MNAT1: variants seen among roughly 807,000 people sequenced by gnomAD.
MNAT1 encodes CDK-activating kinase assembly factor MAT1.
MNAT1 carries 43 observed loss-of-function variants against 42.0 expected under a neutral mutation model. The observed-to-expected ratio is 1.02, with a 90% CI of 0.80 to 1.32. The LOEUF is 1.32. Among genes scored for constraint, MNAT1 ranks in the 40% most tolerant of loss-of-function variants. The pLI is 0.00. For synonymous variants in MNAT1, 118 were observed against 120.0 expected, an observed-to-expected ratio of 0.98 and a Z score of 0.11; for missense variants, 306 against 350.4, an observed-to-expected ratio of 0.87 and a Z score of 1.01.
intron 1 of MNAT1, among the ~76,000 whole-genome samples, chr14:60,751,681 GATA>G (rs1566751286): frequency 1.3e-5 from 2 of 151,584 alleles, no homozygotes; most frequent in African/African-American, 4.8e-5. Context: ...TCTACAAAAA[GATA>G]AGAAAATTTA....
rs534620675 is a variant in MNAT1 at position 60,937,061 on chromosome 14, G to T, written c.810-31168G>T. ...GTGTGTTCATATCCTTCACCCACTT[G>T]TTGATGGGGTTTTTTGTTTTTTTCT... On this transcript the variant is annotated intron_variant, in intron 7 of 7. Transcript: ENST00000261245. Among the ~76,000 whole-genome samples the T allele has an allele frequency of 5.3e-5, 8 of 151,706 alleles. No homozygotes were observed. In the East Asian group the frequency reaches 9.7e-4, roughly 18 times the overall value.
intron 7 of MNAT1, among the ~76,000 whole-genome samples, chr14:60,897,189 G>C (rs761723274): frequency 2.8e-4 from 43 of 151,992 alleles, no homozygotes; most frequent in Admixed American, 2.0e-4. Flanking sequence ...GAGTATTTAA[G>C]GTAGATATAA....
Position 60,789,017 on chromosome 14 carries a change from T to C in MNAT1, c.90-7200T>C, listed in dbSNP as rs190964512. Among the ~76,000 whole-genome samples, 3 of 152,326 alleles carry C rather than the reference T, an allele frequency of 2.0e-5. No homozygotes were observed. The East Asian group carries it at 5.8e-4, about 29-fold the overall frequency. On this transcript the variant is annotated intron_variant, in intron 1 of 7. Coordinates refer to ENST00000261245, the MANE Select transcript of MNAT1 (RefSeq NM_002431.4). ...TAACTGGTGCAGTTGGCCTAGCTTT[T>C]GGGCTATCTCAGCTTATGATACACC...
intron 3 of MNAT1, among the ~76,000 whole-genome samples, chr14:60,801,833 C>G (rs953405045): frequency 1.3e-4 from 20 of 152,122 alleles, no homozygotes; most frequent in African/African-American, 4.6e-4. Flanking sequence ...GGTCTATAAC[C>G]TATAGCCCTA....
At chr14:60,905,988 A>G (rs1171359953) in intron 7 of MNAT1, among the ~76,000 whole-genome samples, 1 of 152,210 alleles carries the variant, frequency 6.6e-6, no homozygotes, top group Admixed American at 6.5e-5. Context: ...AAGACAAATA[A>G]AGGATAAAAG....
intron 6 of MNAT1, among the ~76,000 whole-genome samples, chr14:60,827,683 A>G (rs1159505289): frequency 6.6e-6 from 1 of 152,210 alleles, no homozygotes; most frequent in African/African-American, 2.4e-5. Flanking sequence ...AAGTATAACA[A>G]CTAAAGAAGT....
chr14:60,872,415 G>T (rs2034345457), intron 6 of MNAT1, among the ~76,000 whole-genome samples: 1 of 151,988 alleles, frequency 6.6e-6, no homozygotes, highest in African/African-American at 2.4e-5. Context: ...CCCTTTCCTA[G>T]TTTTCCTGCC....
intron 4 of MNAT1, among the ~76,000 whole-genome samples, chr14:60,810,216 T>G (rs1283435404): frequency 6.6e-6 from 1 of 152,166 alleles, no homozygotes; most frequent in Non-Finnish European, 1.5e-5. Flanking sequence ...CTCTTTCATT[T>G]CTGATTTTGA....
At chr14:60,744,776 T>C (rs368310719) in intron 1 of MNAT1, among the ~76,000 whole-genome samples, 10 of 152,334 alleles carry the variant, frequency 6.6e-5, no homozygotes, top group African/African-American at 2.4e-4. Flanking sequence ...ACCTAGAATA[T>C]GCCTTATTCT....
At chr14:60,856,881 A>G (rs2033972514) in intron 6 of MNAT1, among the ~76,000 whole-genome samples, 1 of 152,018 alleles carries the variant, frequency 6.6e-6, no homozygotes, top group Admixed American at 6.5e-5. Flanking sequence ...GGGTTTCACC[A>G]TATTGGCCAG....
At chr14:60,749,671 A>G (rs2029987997) in intron 1 of MNAT1, among the ~76,000 whole-genome samples, 1 of 152,354 alleles carries the variant, frequency 6.6e-6, no homozygotes, top group African/African-American at 2.4e-5. Context: ...AATTTACTCT[A>G]TAAAGAGTTA....
intron 6 of MNAT1, among the ~76,000 whole-genome samples, chr14:60,831,575 C>G (rs556419012): frequency 6.6e-6 from 1 of 152,252 alleles, no homozygotes; most frequent in South Asian, 2.1e-4. Flanking sequence ...TCCAGTCTAT[C>G]ATTGATGGGC....
intron 7 of MNAT1, among the ~76,000 whole-genome samples, chr14:60,882,249 A>T (rs1297259773): frequency 6.6e-6 from 1 of 151,550 alleles, no homozygotes; most frequent in Non-Finnish European, 1.5e-5. Flanking sequence ...CCTCCTCACT[A>T]CCCTTCACAA....
At position 60,968,281 on chromosome 14, in the gene MNAT1, A is replaced by G; in HGVS notation, c.862A>G (p.Thr288Ala). The change falls in exon 8 of 8, where the codon ACT becomes GCT. Residue 288 changes from threonine (T) to alanine (A), a missense_variant. By Grantham distance (58) the Thr-to-Ala change is moderately conservative. Transcript: ENST00000261245. ...ASPQDLAGGY[T>A]SSLACHRALQ... ...ACCACAGGACCTTGCTGGAGGCTATACTTCTTCTCTTGCTTGTCACAGAGC... is the reference window on the plus strand; with the variant it reads ...ACCACAGGACCTTGCTGGAGGCTATGCTTCTTCTCTTGCTTGTCACAGAGC... 6.2e-7 allele frequency: 1 copy of G among 1,613,986 alleles called. No individual in the cohort carries two copies. Among genetic ancestry groups the G allele is most frequent in the Non-Finnish European group, 8.5e-7 (1 of 1,179,926 alleles).
At chr14:60,927,913 G>A (rs1292935010) in intron 7 of MNAT1, among the ~76,000 whole-genome samples, 1 of 152,158 alleles carries the variant, frequency 6.6e-6, no homozygotes, top group East Asian at 1.9e-4. Context: ...GGAAAAAAAT[G>A]TTTTCCTGCT....
intron 1 of MNAT1, among the ~76,000 whole-genome samples, chr14:60,755,258 C>A (rs2030291335): frequency 6.6e-6 from 1 of 152,120 alleles, no homozygotes. Context: ...ATTCTTCTGC[C>A]TCAGCCTCCA....
chr14:60,813,381 C>A (rs1037767542), intron 5 of MNAT1, among the ~76,000 whole-genome samples: 1 of 152,130 alleles, frequency 6.6e-6, no homozygotes, highest in South Asian at 2.1e-4. Context: ...GAGTCCTTAC[C>A]GTGAATCTAG....
chr14:60,896,660 T>C (rs1188836858), intron 7 of MNAT1, among the ~76,000 whole-genome samples: 1 of 152,130 alleles, frequency 6.6e-6, no homozygotes, highest in Non-Finnish European at 1.5e-5. Flanking sequence ...TAATTTTTTG[T>C]ATTTTTAGTA....
At chr14:60,929,166 A>ATATATAT (rs1355535249) in intron 7 of MNAT1, among the ~76,000 whole-genome samples, 14 of 106,678 alleles carry the variant, frequency 1.3e-4, no homozygotes, top group African/African-American at 6.2e-4. Context: ...AAAAAAAAAA[A>ATATATAT]AAAAATATAT....
Sources: gnomAD v4.1 joint callset for allele counts (sites outside exome capture counted in the v4.1 genomes callset) on GRCh38, gnomAD v4.1.1 for gene constraint, MANE v1.5 for transcripts, NCBI Gene and HGNC (gene_info 2026-07-23, HGNC 2026-07-21) for gene names.